Variants in DDAH1 observed in about 807,000 individuals in gnomAD.
The protein encoded by DDAH1 is dimethylarginine dimethylaminohydrolase 1.
DDAH1 carries 19 observed loss-of-function variants against 28.8 expected under a neutral mutation model. That is an observed-to-expected ratio of 0.66 (90% CI 0.46 to 0.97). The LOEUF is 0.97. DDAH1 is among the 50% of genes least tolerant of loss of function. The pLI is 0.00. For synonymous variants in DDAH1, 153 were observed against 154.4 expected, an observed-to-expected ratio of 0.99 and a Z score of 0.07; for missense variants, 326 against 375.9, an observed-to-expected ratio of 0.87 and a Z score of 1.10.
intron 1 of DDAH1, among the ~76,000 whole-genome samples, chr1:85,575,504 A>G (rs1659576483): frequency 6.6e-6 from 1 of 152,232 alleles, no homozygotes. Flanking sequence ...ATGTATCTGC[A>G]TTAAGACCTT....
chr1:85,559,462 G>A (rs944033580), intron 1 of DDAH1, among the ~76,000 whole-genome samples: 4 of 151,900 alleles, frequency 2.6e-5, no homozygotes, highest in African/African-American at 9.7e-5. Context: ...AAAAATTACT[G>A]GACATACCAA....
chr1:85,561,351 T>G (rs924918891), intron 1 of DDAH1, among the ~76,000 whole-genome samples: 1 of 152,100 alleles, frequency 6.6e-6, no homozygotes, highest in African/African-American at 2.4e-5. Context: ...GCTAGAGGAC[T>G]GAGATCCAAA....
Position 85,321,265 on chromosome 1 carries a change from G to C in DDAH1, c.*187C>G. On this transcript the variant is annotated 3_prime_UTR_variant, in exon 6 of 6. Transcript: ENST00000284031. ...ATTCATTTAGCAAATCCACAGCTTA[G>C]GTACCACCTCGAGGGGAGGGAGGGT... 1 of 553,420 alleles carries C rather than the reference G, an allele frequency of 1.8e-6. No homozygotes were observed. Among genetic ancestry groups the C allele is most frequent in the Non-Finnish European group, 3.2e-6 (1 of 308,974 alleles). The allele number at this position is 553,420 out of a possible 1,614,324, so 34.3% of individuals were successfully genotyped here.
intron 1 of DDAH1, among the ~76,000 whole-genome samples, chr1:85,451,741 G>T (rs984187229): frequency 3.9e-5 from 6 of 152,144 alleles, no homozygotes; most frequent in African/African-American, 1.4e-4. Flanking sequence ...GTGCTGATTT[G>T]ATATCTCGAG....
At chr1:85,574,857 C>T (rs1191719390) in intron 1 of DDAH1, among the ~76,000 whole-genome samples, 1 of 151,340 alleles carries the variant, frequency 6.6e-6, no homozygotes, top group Non-Finnish European at 1.5e-5. Context: ...ACCAGCCTGG[C>T]CAACATGGTG....
intron 1 of DDAH1, chr1:85,404,451 C>G (rs1652308892): frequency 8.5e-6 from 13 of 1,531,020 alleles, no homozygotes; most frequent in Non-Finnish European, 1.0e-5. Context: ...ATCTTTTCAA[C>G]AGATTCCCTG....
intron 1 of DDAH1, among the ~76,000 whole-genome samples, chr1:85,453,478 C>T (rs1188773840): frequency 6.6e-6 from 1 of 152,198 alleles, no homozygotes. Context: ...TGTCTCTCAT[C>T]AGAATCTTCA....
intron 4 of DDAH1, among the ~76,000 whole-genome samples, chr1:85,331,898 A>G (rs1004118580): frequency 2.0e-5 from 3 of 152,214 alleles, no homozygotes; most frequent in Admixed American, 1.3e-4. Context: ...GAGATACTGA[A>G]GGAGAGGGAG....
At chr1:85,410,591 A>G (rs1436892647) in intron 1 of DDAH1, among the ~76,000 whole-genome samples, 2 of 149,384 alleles carry the variant, frequency 1.3e-5, no homozygotes, top group African/African-American at 5.0e-5. Context: ...GTGAGCCGAG[A>G]TGGCACCATT....
chr1:85,375,782 T>C (rs900836252), intron 1 of DDAH1, among the ~76,000 whole-genome samples: 16 of 152,028 alleles, frequency 1.1e-4, no homozygotes, highest in African/African-American at 3.1e-4. Flanking sequence ...GAGGAGATCA[T>C]GGAAAAAGAA....
chr1:85,359,520 GCACA>G (rs150537414), intron 1 of DDAH1, among the ~76,000 whole-genome samples: 1 of 151,664 alleles, frequency 6.6e-6, no homozygotes, highest in Non-Finnish European at 1.5e-5. Flanking sequence ...AGTCAGAATT[GCACA>G]CACACACACA....
intron 2 of DDAH1, among the ~76,000 whole-genome samples, chr1:85,491,269 G>A (rs1438901382): frequency 2.6e-5 from 4 of 151,876 alleles, no homozygotes; most frequent in African/African-American, 4.8e-5. Context: ...GGCTGGTCTC[G>A]AGCTCCTAAC....
intron 5 of DDAH1, 26 bp from the exon 6 acceptor site, chr1:85,321,594 A>G: frequency 1.3e-6 from 2 of 1,517,780 alleles, no homozygotes; most frequent in South Asian, 2.2e-5. Flanking sequence ...AGGAAAAGGA[A>G]GAAAAGAAGG....
chr1:85,428,838 A>G (rs1221397331), intron 1 of DDAH1, among the ~76,000 whole-genome samples: 1 of 151,978 alleles, frequency 6.6e-6, no homozygotes, highest in Non-Finnish European at 1.5e-5. Context: ...TTTCTGGTGC[A>G]GCCTTCTTCT....
intron 1 of DDAH1, among the ~76,000 whole-genome samples, chr1:85,521,144 T>C (rs1306223073): frequency 1.3e-5 from 2 of 152,172 alleles, no homozygotes; most frequent in African/African-American, 4.8e-5. Flanking sequence ...AGTACTTTAA[T>C]GTCCGGCTAT....
At chr1:85,491,059 T>C (rs1351514315) in intron 2 of DDAH1, among the ~76,000 whole-genome samples, 1 of 150,722 alleles carries the variant, frequency 6.6e-6, no homozygotes, top group African/African-American at 2.4e-5. Flanking sequence ...TTTTTTTTTT[T>C]TTTTTTTGAG....
chr1:85,442,592 A>T (rs2100655307), intron 1 of DDAH1, among the ~76,000 whole-genome samples: 1 of 152,338 alleles, frequency 6.6e-6, no homozygotes, highest in Admixed American at 6.5e-5. Flanking sequence ...TAGATCCTTG[A>T]GGAATCACCA....
chr1:85,495,922 AAACAAGATCAG>A (rs1310612339), intron 2 of DDAH1: 1 of 152,274 alleles, frequency 6.6e-6, no homozygotes, highest in Non-Finnish European at 1.5e-5. Context: ...AATAAAGGAA[AAACAAGATCAG>A]CCTTGGCTGG....
chr1:85,526,633 A>C (rs1657883297), intron 1 of DDAH1, among the ~76,000 whole-genome samples: 1 of 149,538 alleles, frequency 6.7e-6, no homozygotes, highest in African/African-American at 2.5e-5. Context: ...ATACCAAGAG[A>C]AGGGGCTGAG....
Sources: allele counts gnomAD v4.1 joint callset (sites outside exome capture counted in the v4.1 genomes callset), GRCh38; gene constraint gnomAD v4.1.1; transcripts MANE v1.5; gene names NCBI Gene and HGNC (gene_info 2026-07-23, HGNC 2026-07-21).